The following NAPSA variants were observed in gnomAD, a reference collection of about 807,000 sequenced individuals.
NAPSA encodes napsin A aspartic peptidase.
In NAPSA, 37 loss-of-function variants were observed where a neutral mutation model predicts 36.7. The ratio of observed to expected loss-of-function variants is 1.01; its 90% CI spans 0.78 to 1.33. The LOEUF (loss-of-function observed/expected upper bound fraction) is 1.33, where lower values mean the gene tolerates loss of function less well. Ranked by LOEUF, NAPSA falls within the 40% of genes most tolerant of loss-of-function variation. The probability of loss-of-function intolerance (pLI) is 0.00; values close to 1 mark genes in which losing one functional copy is unlikely to be tolerated. For synonymous variants in NAPSA, 222 were observed against 234.5 expected, an observed-to-expected ratio of 0.95 and a Z score of 0.49; for missense variants, 532 against 543.8, an observed-to-expected ratio of 0.98 and a Z score of 0.21.
At position 50,360,873 on chromosome 19, in the gene NAPSA, C is replaced by A. The variant is rs190350366; in HGVS notation, c.668+68G>T. On this transcript the variant is annotated intron_variant, in intron 5 of 8. Transcript: ENST00000253719. ...GAGAATTCCTGCATTGGGTCAGTGA[C>A]TTCCTGAAGGAAGACTCTCTTCCTT... 1.3e-4 allele frequency: 198 copies of A among 1,469,588 alleles called. No homozygotes were observed. The African/African-American group carries it at 2.5e-3, about 18-fold the overall frequency. The allele number at this position is 1,469,588 out of a possible 1,614,324, so 91.0% of individuals were successfully genotyped here.
At position 50,359,822 on chromosome 19, in the gene NAPSA, C is replaced by T. The variant is rs1338820610; in HGVS notation, c.709G>A (p.Gly237Ser). ...EPDGGELVLGGSDPAHYIPPL... is the reference protein window; with the variant it reads ...EPDGGELVLGSSDPAHYIPPL... Reference sequence around the variant, plus strand: ...GGGATGTAGTGTGCCGGGTCCGAGCCCCCCAGGACCAGCTCTCCTCCATCA... The same window carrying T: ...GGGATGTAGTGTGCCGGGTCCGAGCTCCCCAGGACCAGCTCTCCTCCATCA... Residue 237 changes from glycine to serine, a missense_variant, in exon 6 of 9, where the codon GGC (glycine) becomes AGC (serine). By Grantham distance (56) the Gly-to-Ser change is moderately conservative (BLOSUM62 0). This residue lies in a region of NAPSA where 385 missense variants were observed against 371.5 expected (regional missense o/e 1.04). Coordinates refer to ENST00000253719, the MANE Select transcript of NAPSA (RefSeq NM_004851.3). The T allele has an allele frequency of 1.2e-6, 2 of 1,614,194 alleles. No homozygotes were observed. The highest frequency in any genetic ancestry group is 8.5e-7 in the Non-Finnish European group (1 of 1,180,026).
In NAPSA at chr19:50,358,487, T is replaced by C. The variant is rs747613673; in HGVS notation, c.*66A>G. 113 of 1,334,250 alleles carry C rather than the reference T, an allele frequency of 8.5e-5. No individual in the cohort carries two copies. Among genetic ancestry groups the C allele is most frequent in the Non-Finnish European group, 1.1e-4 (108 of 992,142 alleles). The allele number at this position is 1,334,250 out of a possible 1,614,324, so 82.7% of individuals were successfully genotyped here. ...CCCAGGCAGGTTCGCTCAATGGAAA[T>C]AGTGGATTTTTACTGGGTAGCAGGA... On this transcript the variant is annotated 3_prime_UTR_variant, in exon 9 of 9. Transcript: ENST00000253719.
rs2037429205 is a variant in NAPSA, at chr19:50,358,739, C to T, written c.1077G>A (p.Gln359=). 1.2e-6 allele frequency: 2 copies of T among 1,613,436 alleles called. No homozygotes were observed. Among genetic ancestry groups the T allele is most frequent in the Non-Finnish European group, 1.7e-6 (2 of 1,179,954 alleles). The change falls in exon 9 of 9, where the codon CAG becomes CAA. Residue 359 remains glutamine, a synonymous_variant. Coordinates refer to ENST00000253719, the MANE Select transcript of NAPSA (RefSeq NM_004851.3). ...NGVRLCLSGF[Q]ALDVPPPAGP... is the part of the protein sequence containing the mutation. ...CTGCAGGCGGAGGGACATCCAGGGC[C>T]TGGAAACCGGACAAGCAGAGGCGGA...
intron 5 of NAPSA, 27 bp downstream of exon 5, chr19:50,360,914 C>T (rs921014827): frequency 3.1e-6 from 5 of 1,604,328 alleles, no homozygotes; most frequent in African/African-American, 1.3e-5. Flanking sequence ...GGATAGGACT[C>T]ATAGATAGGT....
upstream of NAPSA, among the ~76,000 whole-genome samples, chr19:50,368,639 C>T (rs1317532473): frequency 1.3e-5 from 2 of 152,164 alleles, no homozygotes; most frequent in Non-Finnish European, 2.9e-5. Flanking sequence ...CGATCTGGGC[C>T]CCTTCAACTC....
At chr19:50,367,548 CCCTCT>C (rs1568589254), upstream of NAPSA, among the ~76,000 whole-genome samples, 192 of 143,080 alleles carry the variant, frequency 1.3e-3, no homozygotes, top group East Asian at 3.9e-3. Context: ...CTCTCTCTCT[CCCTCT>C]CTCTCTCTCT....
At chr19:50,360,855 C>T in intron 5 of NAPSA, 86 bp downstream of exon 5, 1 of 1,307,776 alleles carries the variant, frequency 7.6e-7, no homozygotes, top group Non-Finnish European at 1.1e-6. Context: ...AATGAGAATT[C>T]CTGCATTGGG....
Position 50,359,872 on chromosome 19 carries a change from CAGAGTGTAG to C in NAPSA, c.669-19_669-11del. The C allele has an allele frequency of 1.2e-6, 2 of 1,613,196 alleles. No individual in the cohort carries two copies. Among genetic ancestry groups the C allele is most frequent in the South Asian group, 1.1e-5 (1 of 90,928 alleles). On this transcript the variant is annotated splice_polypyrimidine_tract_variant and intron_variant, in intron 5 of 8. Coordinates refer to ENST00000253719, the MANE Select transcript of NAPSA (RefSeq NM_004851.3). ...AGGCTCTTCAGGGTCCCTGCAGGGGCAGAGTGTAGAGAGTGTAGATGTCAGTGTCACTGG... is the reference window on the plus strand; with the variant it reads ...AGGCTCTTCAGGGTCCCTGCAGGGGCAGAGTGTAGATGTCAGTGTCACTGG...
intron 1 of NAPSA, among the ~76,000 whole-genome samples, chr19:50,364,314 CAAAAAAA>C (rs56181758): frequency 6.1e-5 from 4 of 65,854 alleles, no homozygotes; most frequent in African/African-American, 2.2e-4. Flanking sequence ...GACTCCGTCT[CAAAAAAA>C]AAAAAAAAAA....
chr19:50,362,906 G>A lies in NAPSA; in HGVS notation c.84-593C>T, dbSNP rs537987130. On this transcript the variant is annotated intron_variant, in intron 1 of 8. Transcript: ENST00000253719. The stretch of plus-strand genomic sequence containing the variant: ...AGTGTTTGCAACCCTTGACTTAGAG[G>A]GCCAATTACAATTCAGGTATCTTAG... The A allele has an allele frequency of 2.0e-5, 3 of 152,212 alleles. No individual in the cohort carries two copies. The East Asian group carries it at 5.8e-4, about 29-fold the overall frequency. 9.4% of individuals were successfully genotyped at this position (152,212 alleles called of 1,614,324 possible).
rs778116703 is a variant in NAPSA at position 50,359,735 on chromosome 19, C to T, written c.791+5G>A. 29 of 1,614,126 alleles carry T rather than the reference C, an allele frequency of 1.8e-5. 1 individual carries two copies. In the Admixed American group the frequency reaches 4.2e-4, roughly 23 times the overall value. On this transcript the variant is annotated splice_donor_5th_base_variant and intron_variant, in intron 6 of 8. Transcript: ENST00000253719. ...GCTCCAGAGCCAGGAGACCAAGTCCCTCACCGCTCCATGTGGATCTGCCAG... is the reference window on the plus strand; with the variant it reads ...GCTCCAGAGCCAGGAGACCAAGTCCTTCACCGCTCCATGTGGATCTGCCAG...
In NAPSA at chr19:50,359,784, G is replaced by A. The variant is rs761524390; in HGVS notation, c.747C>T (p.Phe249=). Residue 249 remains phenylalanine (F), a synonymous_variant, in exon 6 of 9, where the codon TTC becomes TTT. Coordinates refer to ENST00000253719, the MANE Select transcript of NAPSA (RefSeq NM_004851.3). Reference sequence around the variant, plus strand: ...AGTAGGCAGGGACCGTGACTGGCACGAAGGTGAGGGGTGGGATGTAGTGTG... The same window carrying A: ...AGTAGGCAGGGACCGTGACTGGCACAAAGGTGAGGGGTGGGATGTAGTGTG... ...DPAHYIPPLT[F]VPVTVPAYWQ... is the part of the protein sequence containing the mutation. The A allele has an allele frequency of 9.3e-6, 15 of 1,614,114 alleles. No individual in the cohort carries two copies. The highest frequency in any genetic ancestry group is 6.7e-5 in the African/African-American group (5 of 74,948).
chr19:50,361,149 A>G lies in NAPSA; in HGVS notation c.469-9T>C, dbSNP rs756777434. 1 of 1,611,564 alleles carries G rather than the reference A, an allele frequency of 6.2e-7. No individual in the cohort carries two copies. ...CCCTTGATTCCACCAATCTAGGGGT[A>G]GATTGAGATGTGACCAGTTACTTTT... On this transcript the variant is annotated splice_polypyrimidine_tract_variant and intron_variant, in intron 4 of 8. Coordinates refer to ENST00000253719, the MANE Select transcript of NAPSA (RefSeq NM_004851.3).
chr19:50,361,806 C>T (rs750429905), intron 3 of NAPSA, 25 bp from the exon 4 acceptor site: 8 of 1,610,126 alleles, frequency 5.0e-6, no homozygotes, highest in Non-Finnish European at 6.8e-6. Context: ...AGAAAGGTGT[C>T]ATGGGGGAGG....
At chr19:50,361,820 T>C in intron 3 of NAPSA, 39 bp from the exon 4 acceptor site, 1 of 1,586,128 alleles carries the variant, frequency 6.3e-7, no homozygotes, top group Non-Finnish European at 8.7e-7. Context: ...GGGGAGGGAA[T>C]CTCCCCAGTG....
rs760201719 is a variant in NAPSA at position 50,362,243 on chromosome 19, C to G, written c.154G>C (p.Glu52Gln). 4.3e-6 allele frequency: 7 copies of G among 1,614,012 alleles called. No homozygotes were observed. In the East Asian group the frequency reaches 1.3e-4, roughly 31 times the overall value. Reference sequence around the variant, plus strand: ...GATGGGGCCCCCAACTTGGGGAGCTCTGCTGGTTCTCTCCATCCCCTCAGT... The same window carrying G: ...GATGGGGCCCCCAACTTGGGGAGCTGTGCTGGTTCTCTCCATCCCCTCAGT... Reference protein sequence around the residue: ...NLLRGWREPAELPKLGAPSPG... With the variant: ...NLLRGWREPAQLPKLGAPSPG... Residue 52 changes from glutamate (E) to glutamine (Q), a missense_variant, in exon 2 of 9, where the codon GAG becomes CAG. By Grantham distance (29) the Glu-to-Gln change is conservative. Transcript: ENST00000253719.
chr19:50,361,578 T>C (rs1385814956), intron 4 of NAPSA, 85 bp downstream of exon 4: 9 of 1,205,828 alleles, frequency 7.5e-6, no homozygotes, highest in Non-Finnish European at 1.1e-5. Context: ...GGGAAGCTCC[T>C]CCTCGAGCCT....
intron 6 of NAPSA, 30 bp downstream of exon 6, chr19:50,359,710 G>T (rs369695611): frequency 6.2e-7 from 1 of 1,614,084 alleles, no homozygotes; most frequent in Non-Finnish European, 8.5e-7. Flanking sequence ...CCAGCCTCCA[G>T]CTCCAGAGCC....
chr19:50,361,147 G>A lies in NAPSA; in HGVS notation c.469-7C>T, dbSNP rs753768509. ...CACCCTTGATTCCACCAATCTAGGG[G>A]TAGATTGAGATGTGACCAGTTACTT... On this transcript the variant is annotated splice_region_variant and splice_polypyrimidine_tract_variant and intron_variant, in intron 4 of 8. Coordinates refer to ENST00000253719, the MANE Select transcript of NAPSA (RefSeq NM_004851.3). The A allele has an allele frequency of 2.5e-6, 4 of 1,609,698 alleles. No individual in the cohort carries two copies. The highest frequency in any genetic ancestry group is 3.4e-6 in the Non-Finnish European group (4 of 1,176,832).
Sources: allele counts gnomAD v4.1 joint callset (sites outside exome capture counted in the v4.1 genomes callset), GRCh38; gene constraint gnomAD v4.1.1; regional missense constraint gnomAD v4.1.1; transcripts MANE v1.5; gene names NCBI Gene and HGNC (gene_info 2026-07-23, HGNC 2026-07-21).